SMARCAD1: variants seen among roughly 807,000 people sequenced by gnomAD.
SMARCAD1 encodes SNF2 related chromatin remodeling ATPase with DExD box 1.
In SMARCAD1, 25 loss-of-function variants were observed where a neutral mutation model predicts 127.1. The observed-to-expected ratio is 0.20, with a 90% confidence interval of 0.14 to 0.27. The LOEUF (loss-of-function observed/expected upper bound fraction) is 0.27, where lower values mean the gene tolerates loss of function less well. SMARCAD1 is among the 10% of genes least tolerant of loss of function. SMARCAD1 has a pLI of 1.00. For missense variants in SMARCAD1, 807 were observed against 1,206.0 expected (o/e 0.67, Z 4.90); for synonymous variants, 400 against 396.9 (o/e 1.01, Z -0.09).
Position 94,291,024 on chromosome 4 carries a change from A to AG in SMARCAD1, c.*1492dup. 1 of 441,858 alleles carries AG rather than the reference A, an allele frequency of 2.3e-6. No homozygotes were observed. The allele number at this position is 441,858 out of a possible 1,614,324, so 27.4% of individuals were successfully genotyped here. On this transcript the variant is annotated 3_prime_UTR_variant, in exon 24 of 24. Coordinates refer to ENST00000354268, the MANE Select transcript of SMARCAD1 (RefSeq NM_020159.5). The stretch of plus-strand genomic sequence containing the variant: ...TATATTTTACCATTACAGGGCTAAA[A>AG]GGAGTCTTCATGTGTTAATACTACC...
At chr4:94,242,325 G>A (rs114243641) in intron 6 of SMARCAD1, among the ~76,000 whole-genome samples, 1,678 of 152,064 alleles carry the variant, frequency 0.011, 15 homozygotes, top group South Asian at 0.034. Context: ...GATTACAGGC[G>A]TGAGCCACCA....
At chr4:94,231,079 G>T (rs1181081387) in intron 3 of SMARCAD1, among the ~76,000 whole-genome samples, 1 of 152,216 alleles carries the variant, frequency 6.6e-6, no homozygotes, top group Non-Finnish European at 1.5e-5. Flanking sequence ...TGCGAAAGAT[G>T]TAAAAACAAT....
chr4:94,226,538 G>T (rs1212917767), intron 3 of SMARCAD1, among the ~76,000 whole-genome samples: 2 of 133,796 alleles, frequency 1.5e-5, no homozygotes, highest in Non-Finnish European at 3.1e-5. Flanking sequence ...TGATAACAGT[G>T]ATTTTGAGAG....
Position 94,289,557 on chromosome 4 carries a change from T to G in SMARCAD1, c.*23T>G. 1 of 1,588,132 alleles carries G rather than the reference T, an allele frequency of 6.3e-7. No individual in the cohort carries two copies. The highest frequency in any genetic ancestry group is 8.6e-7 in the Non-Finnish European group (1 of 1,156,466). On this transcript the variant is annotated 3_prime_UTR_variant, in exon 24 of 24. Coordinates refer to ENST00000354268, the MANE Select transcript of SMARCAD1 (RefSeq NM_020159.5). The stretch of plus-strand genomic sequence containing the variant: ...TGAAATAAGAACTGTGAACTCTCAA[T>G]TGATGAGGAAATATCAACTTGGTGC...
Position 94,240,978 on chromosome 4 carries a change from A to T in SMARCAD1, c.677A>T (p.Gln226Leu). Residue 226 changes from glutamine to leucine, a missense_variant, in exon 6 of 24, where the codon CAA (glutamine) becomes CTA (leucine). Gln to Leu is a moderately radical substitution (Grantham distance 113). Coordinates refer to ENST00000354268, the MANE Select transcript of SMARCAD1 (RefSeq NM_020159.5). ...GAGGAAGATGAATTTAATGATGATC[A>T]ATCTATAAAAAAGACAAGACTGGAT... ...PYEEDEFNDD[Q>L]SIKKTRLDHG... The T allele has an allele frequency of 1.2e-6, 2 of 1,612,380 alleles. No individual in the cohort carries two copies. Among genetic ancestry groups the T allele is most frequent in the Non-Finnish European group, 1.7e-6 (2 of 1,178,824 alleles).
chr4:94,242,208 T>G (rs975320831), intron 6 of SMARCAD1, among the ~76,000 whole-genome samples: 11 of 110,476 alleles, frequency 1.0e-4, no homozygotes, highest in African/African-American at 1.1e-4. Flanking sequence ...TGTTTTTTTG[T>G]TTTTTTTTTA....
chr4:94,289,432 A>G (rs895153023), intron 23 of SMARCAD1, 41 bp from the exon 24 acceptor site: 4 of 1,553,526 alleles, frequency 2.6e-6, no homozygotes, highest in East Asian at 2.2e-5. Flanking sequence ...TTTAAGTAAA[A>G]TATTTTTATA....
chr4:94,214,031 T>C (rs1742732749), intron 2 of SMARCAD1, among the ~76,000 whole-genome samples: 1 of 152,166 alleles, frequency 6.6e-6, no homozygotes, highest in Non-Finnish European at 1.5e-5. Context: ...ATACCTAGTT[T>C]GGTATTTAGT....
At chr4:94,222,370 T>C (rs1182671990) in intron 2 of SMARCAD1, among the ~76,000 whole-genome samples, 2 of 152,174 alleles carry the variant, frequency 1.3e-5, no homozygotes, top group African/African-American at 2.4e-5. Context: ...AAAAACTCTT[T>C]GGGACTTAAA....
At chr4:94,227,063 G>C (rs1271829152) in intron 3 of SMARCAD1, among the ~76,000 whole-genome samples, 1 of 152,110 alleles carries the variant, frequency 6.6e-6, no homozygotes, top group Non-Finnish European at 1.5e-5. Flanking sequence ...TGAGAAGACA[G>C]TGCTTAATTG....
intron 9 of SMARCAD1, 30 bp from the exon 10 acceptor site, chr4:94,264,677 T>C: frequency 1.3e-6 from 2 of 1,579,286 alleles, no homozygotes; most frequent in Non-Finnish European, 1.7e-6. Context: ...AGATCTGAAC[T>C]ATTCAATTAT....
At chr4:94,231,204 C>G (rs1745792197) in intron 3 of SMARCAD1, among the ~76,000 whole-genome samples, 1 of 151,950 alleles carries the variant, frequency 6.6e-6, no homozygotes, top group Non-Finnish European at 1.5e-5. Flanking sequence ...TCCACAGTGC[C>G]CGGAAACCCT....
At chr4:94,265,547 G>A (rs1180946131) in intron 10 of SMARCAD1, among the ~76,000 whole-genome samples, 1 of 151,672 alleles carries the variant, frequency 6.6e-6, no homozygotes, top group East Asian at 1.9e-4. Flanking sequence ...ACATATTAAA[G>A]TGGTTTTTGT....
At chr4:94,272,172 C>G (rs1441061432) in intron 11 of SMARCAD1, among the ~76,000 whole-genome samples, 1 of 151,802 alleles carries the variant, frequency 6.6e-6, no homozygotes, top group African/African-American at 2.4e-5. Context: ...CAAGGACAGT[C>G]ATATTGGGTT....
chr4:94,210,929 C>CAAAAAAAA lies in SMARCAD1; in HGVS notation c.190+2359_190+2366dup, dbSNP rs747690168. 7.8e-3 allele frequency among the ~76,000 whole-genome samples: 445 copies of CAAAAAAAA among 57,020 alleles called. 14 individuals carry two copies. The highest frequency in any genetic ancestry group is 0.036 in the African/African-American group (428 of 11,966). 37.4% of individuals were successfully genotyped at this position (57,020 alleles called of 152,430 possible). On this transcript the variant is annotated intron_variant, in intron 2 of 23. Coordinates refer to ENST00000354268, the MANE Select transcript of SMARCAD1 (RefSeq NM_020159.5). ...AGCCTGGGGGACAGAGACTGTATCT[C>CAAAAAAAA]AAAAAAAAAAAAAAAAAAAAAGGTA...
intron 4 of SMARCAD1, among the ~76,000 whole-genome samples, chr4:94,234,743 T>G (rs1686540417): frequency 6.6e-6 from 1 of 152,192 alleles, no homozygotes; most frequent in Non-Finnish European, 1.5e-5. Flanking sequence ...ATTAGTTGAA[T>G]TATCTTAGGG....
intron 6 of SMARCAD1, among the ~76,000 whole-genome samples, chr4:94,248,325 C>T (rs1038313456): frequency 2.6e-5 from 4 of 152,072 alleles, no homozygotes; most frequent in Non-Finnish European, 4.4e-5. Flanking sequence ...TTGTCCATGA[C>T]GCACATTTGA....
intron 10 of SMARCAD1, among the ~76,000 whole-genome samples, chr4:94,268,894 TG>T (rs1752126674): frequency 6.6e-6 from 1 of 152,228 alleles, no homozygotes; most frequent in Non-Finnish European, 1.5e-5. Flanking sequence ...ATAATTGTTT[TG>T]GATCTGGAAA....
At chr4:94,287,153 A>G (rs1390829189) in intron 23 of SMARCAD1, among the ~76,000 whole-genome samples, 3 of 152,148 alleles carry the variant, frequency 2.0e-5, no homozygotes, top group African/African-American at 4.8e-5. Flanking sequence ...GTTTTCCTCT[A>G]TCTTGTTAAA....
Sources: allele counts gnomAD v4.1 joint callset (sites outside exome capture counted in the v4.1 genomes callset), GRCh38; gene constraint gnomAD v4.1.1; transcripts MANE v1.5; gene names NCBI Gene and HGNC (gene_info 2026-07-23, HGNC 2026-07-21).